Variants in NWD1 observed in about 807,000 individuals in gnomAD.
NWD1 encodes the protein NACHT and WD repeat domain containing 1.
A neutral mutation model predicts 135.1 loss-of-function variants in NWD1; 129 were observed. The observed-to-expected ratio is 0.96, with a 90% CI of 0.83 to 1.11. NWD1 has a LOEUF of 1.11. Ranked by LOEUF, NWD1 falls within the 50% of genes least tolerant of loss-of-function variation. The pLI is 0.00. For missense variants in NWD1, 1,740 were observed against 1,851.3 expected, an observed-to-expected ratio of 0.94 and a Z score of 1.10; for synonymous variants, 773 against 786.0, an observed-to-expected ratio of 0.98 and a Z score of 0.28.
At chr19:16,787,704 A>G (rs1398309780) in intron 12 of NWD1, among the ~76,000 whole-genome samples, 1 of 150,936 alleles carries the variant, frequency 6.6e-6, no homozygotes, top group Non-Finnish European at 1.5e-5. Flanking sequence ...TACTAAAAAT[A>G]CAAAAATTAG....
At chr19:16,734,371 A>G (rs1413181454) in intron 3 of NWD1, among the ~76,000 whole-genome samples, 3 of 151,628 alleles carry the variant, frequency 2.0e-5, no homozygotes, top group African/African-American at 7.3e-5. Context: ...ACACGGTGAA[A>G]CCCCATCTCT....
intron 3 of NWD1, among the ~76,000 whole-genome samples, chr19:16,731,929 A>G (rs12983498): frequency 0.25 from 37,165 of 151,450 alleles, 5,474 homozygotes; most frequent in Middle Eastern, 0.4. Flanking sequence ...ATAAAAAGGC[A>G]GGTGGGACTG....
In NWD1 at chr19:16,789,181, T is replaced by G; in HGVS notation, c.2931T>G (p.Ser977=). 6.2e-7 allele frequency: 1 copy of G among 1,613,330 alleles called. No individual in the cohort carries two copies. The highest frequency in any genetic ancestry group is 1.7e-5 in the Admixed American group (1 of 60,000). ...DEAHKVVYSA[S]GSKINAWNLE... ...CACACAAAGTTGTGTATTCAGCATC[T>G]GGCTCAAAGGTAACAAACATATGCC... Residue 977 remains serine, a synonymous_variant, in exon 13 of 19, where the codon TCT becomes TCG. Coordinates refer to ENST00000524140, the MANE Select transcript of NWD1 (RefSeq NM_001007525.5).
At chr19:16,751,363 AAGAG>A (rs964744868) in intron 6 of NWD1, among the ~76,000 whole-genome samples, 2 of 151,966 alleles carry the variant, frequency 1.3e-5, no homozygotes, top group Non-Finnish European at 1.5e-5. Context: ...AAAAGAAAGA[AAGAG>A]AGAGAGAAAG....
At chr19:16,768,757 G>A (rs1232292570) in intron 10 of NWD1, among the ~76,000 whole-genome samples, 1 of 152,168 alleles carries the variant, frequency 6.6e-6, no homozygotes, top group Non-Finnish European at 1.5e-5. Context: ...CACAAAGGAA[G>A]GGGGAGTATT....
intron 9 of NWD1, among the ~76,000 whole-genome samples, chr19:16,764,606 C>T (rs1969151081): frequency 6.6e-6 from 1 of 152,066 alleles, no homozygotes; most frequent in Admixed American, 6.6e-5. Flanking sequence ...TCCATCCATC[C>T]ATCCACCCAT....
At chr19:16,794,101 C>G (rs557898346) in intron 14 of NWD1, among the ~76,000 whole-genome samples, 15 of 152,196 alleles carry the variant, frequency 9.9e-5, no homozygotes, top group East Asian at 9.7e-4. Flanking sequence ...CATGGTGGCT[C>G]ACGCCTGTAA....
At position 16,791,531 on chromosome 19, in the gene NWD1, C is replaced by A. The variant is rs145127193; in HGVS notation, c.3122C>A (p.Ser1041Tyr). ...TGKLQGKQHM[S>Y]SIKEETPTCA... ...AAACTTCAGGGGAAGCAACATATGT[C>A]CAGCATCAAAGAAGAAACACCTACC... Residue 1041 changes from serine (S) to tyrosine (Y), a missense_variant, in exon 14 of 19, where the codon TCC (serine) becomes TAC (tyrosine). Transcript: ENST00000524140. 8 of 1,614,048 alleles carry A rather than the reference C, an allele frequency of 5.0e-6. No individual in the cohort carries two copies. The highest frequency in any genetic ancestry group is 6.8e-6 in the Non-Finnish European group (8 of 1,179,972).
At position 16,794,559 on chromosome 19, in the gene NWD1, G is replaced by C; in HGVS notation, c.3304+6G>C. The C allele has an allele frequency of 6.3e-7, 1 of 1,581,622 alleles. No homozygotes were observed. Among genetic ancestry groups the C allele is most frequent in the Non-Finnish European group, 8.7e-7 (1 of 1,155,928 alleles). On this transcript the variant is annotated splice_donor_region_variant and intron_variant, in intron 15 of 18. Transcript: ENST00000524140. ...TGAGTCCCTCCTCGCCGCAGGTAGC[G>C]TTTAGCTCTCATTTGGAGTAGTGAG...
intron 12 of NWD1, among the ~76,000 whole-genome samples, chr19:16,784,220 A>G (rs1303037239): frequency 6.6e-6 from 1 of 151,708 alleles, no homozygotes; most frequent in Non-Finnish European, 1.5e-5. Flanking sequence ...AAAAAAAAAA[A>G]AGAAAAATTA....
chr19:16,773,238 C>G lies in NWD1; in HGVS notation c.2523C>G (p.Cys841Trp), dbSNP rs144961672. The G allele has an allele frequency of 1.4e-5, 22 of 1,613,618 alleles. No homozygotes were observed. Among genetic ancestry groups the G allele is most frequent in the Non-Finnish European group, 1.4e-5 (17 of 1,180,004 alleles). ...CQQAQSWFQLCAHPVLVPLGG... is the reference protein window; with the variant it reads ...CQQAQSWFQLWAHPVLVPLGG... Reference sequence around the variant, plus strand: ...AGGCCCAGAGCTGGTTCCAGTTGTGCGCACACCCTGTGCTGGTGCCCCTCG... The same window carrying G: ...AGGCCCAGAGCTGGTTCCAGTTGTGGGCACACCCTGTGCTGGTGCCCCTCG... The change falls in exon 11 of 19, where the codon TGC becomes TGG. Residue 841 changes from cysteine to tryptophan, a missense_variant. Cys to Trp is a radical substitution (Grantham distance 215). Transcript: ENST00000524140.
chr19:16,764,989 A>T (rs761836311), intron 9 of NWD1, 45 bp from the exon 10 acceptor site: 1 of 1,596,950 alleles, frequency 6.3e-7, no homozygotes, highest in South Asian at 1.1e-5. Flanking sequence ...GATGAACTGG[A>T]GGGAGGTAGG....
chr19:16,800,501 G>A (rs189164688), intron 17 of NWD1, among the ~76,000 whole-genome samples: 8 of 152,136 alleles, frequency 5.3e-5, no homozygotes, highest in East Asian at 3.9e-4. Context: ...TCTGCACTCC[G>A]GCCTGGGCGA....
At position 16,800,018 on chromosome 19, in the gene NWD1, G is replaced by T; in HGVS notation, c.3592G>T (p.Asp1198Tyr). Residue 1198 changes from aspartate (D) to tyrosine (Y), a missense_variant, in exon 17 of 19, where the codon GAT becomes TAT. By Grantham distance (160) the Asp-to-Tyr change is radical (BLOSUM62 -3). Coordinates refer to ENST00000524140, the MANE Select transcript of NWD1 (RefSeq NM_001007525.5). The stretch of plus-strand genomic sequence containing the variant: ...ACAGTCCTCATCTTTCAAGGTCTGG[G>T]ATCTCAGCGATGCTCATAGGTCCCG... ...SPQSSSFKVW[D>Y]LSDAHRSRVP... 1 of 1,614,192 alleles carries T rather than the reference G, an allele frequency of 6.2e-7. No homozygotes were observed. Among genetic ancestry groups the T allele is most frequent in the Non-Finnish European group, 8.5e-7 (1 of 1,180,036 alleles).
chr19:16,739,355 A>AAAAAT (rs1491391537), intron 4 of NWD1, among the ~76,000 whole-genome samples: 5 of 130,486 alleles, frequency 3.8e-5, no homozygotes, highest in Admixed American at 7.8e-5. Flanking sequence ...AAAAAAAAAA[A>AAAAAT]TTATTTTTTT....
rs1200310198 is a variant in NWD1 at position 16,808,324 on chromosome 19, C to T, written c.4287+188C>T. On this transcript the variant is annotated intron_variant, in intron 18 of 18. Coordinates refer to ENST00000524140, the MANE Select transcript of NWD1 (RefSeq NM_001007525.5). ...CAGTACTTTTGGAGGCTGAGGCAGG[C>T]GGATCACCTGAGATCGGGAGTTCAA... Among the ~76,000 whole-genome samples, 1 of 151,842 alleles carries T rather than the reference C, an allele frequency of 6.6e-6. No individual in the cohort carries two copies. The highest frequency in any genetic ancestry group is 1.5e-5 in the Non-Finnish European group (1 of 67,958).
chr19:16,721,302 A>C (rs1599409358), intron 1 of NWD1: 1 of 152,300 alleles, frequency 6.6e-6, no homozygotes, highest in Non-Finnish European at 1.5e-5. Flanking sequence ...AATGTTTGTC[A>C]TACTGAGATG....
At chr19:16,725,971 C>CT (rs71180319) in intron 2 of NWD1, among the ~76,000 whole-genome samples, 2,849 of 148,044 alleles carry the variant, frequency 0.019, 101 homozygotes, top group African/African-American at 0.068. Context: ...TTTTTTTTTG[C>CT]TTTTTTTTTA....
At chr19:16,744,800 T>C in intron 5 of NWD1, 82 bp downstream of exon 5, 1 of 1,178,688 alleles carries the variant, frequency 8.5e-7, no homozygotes, top group Non-Finnish European at 1.2e-6. Context: ...TTGGCAAAAA[T>C]GCAACAGTCT....
Sources: gnomAD v4.1 joint callset for allele counts (sites outside exome capture counted in the v4.1 genomes callset) on GRCh38, gnomAD v4.1.1 for gene constraint, MANE v1.5 for transcripts, NCBI Gene and HGNC (gene_info 2026-07-23, HGNC 2026-07-21) for gene names.